LPP: variants seen among roughly 807,000 people sequenced by gnomAD.
The protein encoded by LPP is lipoma-preferred partner.
LPP carries 38 observed loss-of-function variants against 60.4 expected under a neutral mutation model. The observed-to-expected ratio is 0.63, with a 90% CI of 0.49 to 0.83. The LOEUF (loss-of-function observed/expected upper bound fraction) is 0.83, where lower values mean the gene tolerates loss of function less well. LPP is among the 40% of genes least tolerant of loss of function. The pLI, the probability that LPP is intolerant of heterozygous loss-of-function variation, is 0.00. For synonymous variants in LPP, 328 were observed against 290.8 expected, an observed-to-expected ratio of 1.13 and a Z score of -1.30; for missense variants, 902 against 783.6, an observed-to-expected ratio of 1.15 and a Z score of -1.80.
chr3:188,327,313 C>G (rs1186252118), intron 2 of LPP, among the ~76,000 whole-genome samples: 2 of 152,064 alleles, frequency 1.3e-5, no homozygotes, highest in Admixed American at 6.6e-5. Flanking sequence ...TGAACATTGC[C>G]AAAAGTGTTT....
intron 2 of LPP, among the ~76,000 whole-genome samples, chr3:188,228,563 C>T (rs534946831): frequency 4.6e-5 from 7 of 152,200 alleles, no homozygotes; most frequent in South Asian, 2.1e-4. Context: ...GCAGGAAGAT[C>T]GATTGAGGCC....
At chr3:188,766,742 G>A (rs942956474) in intron 9 of LPP, among the ~76,000 whole-genome samples, 2 of 152,100 alleles carry the variant, frequency 1.3e-5, no homozygotes, top group Non-Finnish European at 2.9e-5. Flanking sequence ...TTTCATTAAT[G>A]TACGCCCATT....
At chr3:188,545,539 A>C (rs1248597713) in intron 6 of LPP, among the ~76,000 whole-genome samples, 2 of 151,978 alleles carry the variant, frequency 1.3e-5, no homozygotes, top group South Asian at 2.1e-4. Context: ...AAATAGCTTA[A>C]CTCTGTTCTG....
intron 4 of LPP, among the ~76,000 whole-genome samples, chr3:188,477,872 C>T (rs527357999): frequency 5.7e-4 from 87 of 151,894 alleles, no homozygotes; most frequent in Non-Finnish European, 7.5e-4. Flanking sequence ...TAAATGATAA[C>T]GTTATACATG....
At chr3:188,834,781 C>T (rs1421398902) in intron 9 of LPP, among the ~76,000 whole-genome samples, 1 of 152,106 alleles carries the variant, frequency 6.6e-6, no homozygotes, top group Non-Finnish European at 1.5e-5. Context: ...CTAGATCTTG[C>T]CATAGCATCT....
At chr3:188,269,497 G>A (rs947548588) in intron 2 of LPP, among the ~76,000 whole-genome samples, 4 of 152,178 alleles carry the variant, frequency 2.6e-5, no homozygotes, top group African/African-American at 9.7e-5. Context: ...GACAATTGCA[G>A]GTTATCCTTG....
chr3:188,305,820 A>T (rs912916143), intron 2 of LPP, among the ~76,000 whole-genome samples: 2 of 152,188 alleles, frequency 1.3e-5, no homozygotes, highest in African/African-American at 4.8e-5. Context: ...GGCCAGAGAG[A>T]GACATATACT....
chr3:188,598,750 T>C lies in LPP; in HGVS notation c.430-10411T>C, dbSNP rs570455359. Among the ~76,000 whole-genome samples the C allele has an allele frequency of 2.4e-4, 37 of 152,282 alleles. No individual in the cohort carries two copies. The South Asian group carries it at 4.3e-3, about 18-fold the overall frequency. ...AACCATCCTCTGATTTTTCCTTTAA[T>C]ATAAACAAGTAAAATCACTTATGTG... On this transcript the variant is annotated intron_variant, in intron 6 of 11. Coordinates refer to ENST00000617246, the MANE Select transcript of LPP (RefSeq NM_001375462.1).
intron 9 of LPP, among the ~76,000 whole-genome samples, chr3:188,841,951 C>T (rs565486318): frequency 1.4e-4 from 22 of 152,240 alleles, no homozygotes; most frequent in Admixed American, 3.3e-4. Context: ...TGGGCTGAGA[C>T]GATGGGGTTT....
intron 5 of LPP, among the ~76,000 whole-genome samples, chr3:188,507,976 G>A (rs1188917274): frequency 3.3e-5 from 5 of 152,164 alleles, no homozygotes; most frequent in Admixed American, 1.3e-4. Flanking sequence ...ATTAGGACAC[G>A]ATAAAGAGCC....
chr3:188,444,897 C>T (rs184560842), intron 4 of LPP, among the ~76,000 whole-genome samples: 56 of 152,316 alleles, frequency 3.7e-4, no homozygotes, highest in African/African-American at 1.3e-3. Context: ...ACCTCACTAT[C>T]ACTGGTCATT....
chr3:188,452,898 T>C (rs1246738360), intron 4 of LPP, among the ~76,000 whole-genome samples: 1 of 152,158 alleles, frequency 6.6e-6, no homozygotes, highest in Non-Finnish European at 1.5e-5. Context: ...TCTCGTACTA[T>C]TTTGCCCCTG....
chr3:188,247,492 G>A (rs1307361661), intron 2 of LPP, among the ~76,000 whole-genome samples: 2 of 152,074 alleles, frequency 1.3e-5, no homozygotes, highest in Non-Finnish European at 2.9e-5. Context: ...TGGAAATTGA[G>A]CAAAAGTGAG....
chr3:188,579,039 AG>A (rs1247574197), intron 6 of LPP, among the ~76,000 whole-genome samples: 3 of 152,158 alleles, frequency 2.0e-5, no homozygotes, highest in Admixed American at 1.3e-4. Flanking sequence ...CCAAAAAAAA[AG>A]GGGGTAGTGG....
At chr3:188,433,025 G>GGGGCTGGAGGACTCTTGCCAAGAA (rs1791335290) in intron 4 of LPP, among the ~76,000 whole-genome samples, 1 of 152,192 alleles carries the variant, frequency 6.6e-6, no homozygotes, top group African/African-American at 2.4e-5. Flanking sequence ...AAAACGAGCA[G>GGGGCTGGAGGACTCTTGCCAAGAA]GGGCTGGAGG....
chr3:188,431,462 G>A (rs950374397), intron 4 of LPP, among the ~76,000 whole-genome samples: 9 of 152,244 alleles, frequency 5.9e-5, no homozygotes, highest in South Asian at 2.1e-4. Context: ...GATTTTTAGC[G>A]AAGACCTCGC....
intron 9 of LPP, among the ~76,000 whole-genome samples, chr3:188,807,852 C>G (rs764129669): frequency 7.2e-5 from 11 of 152,022 alleles, no homozygotes; most frequent in Non-Finnish European, 1.2e-4. Context: ...ATTTCTGAGT[C>G]TATTTCTGTT....
rs199864050 is a variant in LPP, at chr3:188,725,114, T to G, written c.1240+16721T>G. 5.3e-5 allele frequency among the ~76,000 whole-genome samples: 8 copies of G among 152,308 alleles called. No individual in the cohort carries two copies. In the East Asian group the frequency reaches 1.5e-3, roughly 29 times the overall value. ...TCGACTTAGTTCCCACTCCTAATTT[T>G]GGATGTGTGGTGTCTTTAGGAAGCT... is the stretch of plus-strand genomic sequence containing the variant. On this transcript the variant is annotated intron_variant, in intron 8 of 11. Transcript: ENST00000617246.
Position 188,866,251 on chromosome 3 carries a change from C to A in LPP, c.1462C>A (p.Leu488Ile), listed in dbSNP as rs777812480. ...VCSKPIMERI[L>I]RATGKAYHPH... ...TTCCAAGCCCATCATGGAGCGGATT[C>A]TCCGAGCCACCGGGAAGGCCTATCA... Residue 488 changes from leucine to isoleucine, a missense_variant, in exon 10 of 12, where the codon CTC (leucine) becomes ATC (isoleucine). Transcript: ENST00000617246. 6.3e-7 allele frequency: 1 copy of A among 1,584,174 alleles called. No homozygotes were observed. The highest frequency in any genetic ancestry group is 1.2e-5 in the South Asian group (1 of 86,772).
Sources: gnomAD v4.1 joint callset for allele counts (sites outside exome capture counted in the v4.1 genomes callset) on GRCh38, gnomAD v4.1.1 for gene constraint, MANE v1.5 for transcripts, NCBI Gene and HGNC (gene_info 2026-07-23, HGNC 2026-07-21) for gene names.